Variants in TPRX1 observed in about 807,000 individuals in gnomAD.
The protein encoded by TPRX1 is tetrapeptide repeat homeobox 1.
Under a neutral mutation model 8.1 loss-of-function variants are expected in TPRX1, and 2 were observed. That is an observed-to-expected ratio of 0.25 (90% confidence interval 0.10 to 0.78). The LOEUF (loss-of-function observed/expected upper bound fraction) is 0.78, where lower values mean the gene tolerates loss of function less well. Among genes scored for constraint, TPRX1 ranks in the 30% least tolerant of loss-of-function variants. TPRX1 has a pLI of 0.70. For missense variants in TPRX1, 517 were observed against 586.9 expected (o/e 0.88, Z 1.23); for synonymous variants, 257 against 254.1 (o/e 1.01, Z -0.11).
chr19:47,815,127 T>TATATATATGCAA (rs1555800026), intron 2 of TPRX1, among the ~76,000 whole-genome samples: 3 of 105,042 alleles, frequency 2.9e-5, no homozygotes, highest in African/African-American at 1.1e-4. Flanking sequence ...TATATATATA[T>TATATATATGCAA]ATATATATAT....
intron 2 of TPRX1, among the ~76,000 whole-genome samples, chr19:47,812,537 C>T (rs1398298316): frequency 6.6e-6 from 1 of 151,548 alleles, no homozygotes; most frequent in African/African-American, 2.4e-5. Context: ...GGTTCGAGAC[C>T]GGCCTGGCCA....
intron 2 of TPRX1, among the ~76,000 whole-genome samples, chr19:47,817,528 G>A (rs1343775371): frequency 6.6e-6 from 1 of 152,202 alleles, no homozygotes; most frequent in Non-Finnish European, 1.5e-5. Flanking sequence ...AACTGAGGCT[G>A]AGAGAGGTTT....
exon 4 of TPRX1, chr19:47,802,788 G>T: frequency 6.2e-7 from 1 of 1,604,174 alleles, no homozygotes; most frequent in Non-Finnish European, 8.5e-7. Context: ...CCCCAGGCCT[G>T]GTGGAGGCTG....
intron 2 of TPRX1, among the ~76,000 whole-genome samples, chr19:47,806,380 C>T (rs1365660090): frequency 1.3e-5 from 2 of 151,624 alleles, no homozygotes; most frequent in Admixed American, 1.3e-4. Flanking sequence ...ATTAGCCAAG[C>T]ATGGTGGCGG....
chr19:47,810,021 G>A (rs1029139895), intron 2 of TPRX1, among the ~76,000 whole-genome samples: 6 of 152,052 alleles, frequency 3.9e-5, no homozygotes, highest in Non-Finnish European at 7.4e-5. Flanking sequence ...TTGGGAGGCC[G>A]AGGTGGGCGG....
In TPRX1 at chr19:47,813,164, CCA is replaced by C. The variant is rs1228765685; in HGVS notation, c.151+5302_151+5303del. Among the ~76,000 whole-genome samples, 504 of 136,344 alleles carry C rather than the reference CCA, an allele frequency of 3.7e-3. 18 individuals are homozygous for C. The highest frequency in any genetic ancestry group is 7.1e-3 in the African/African-American group (260 of 36,452). The allele number at this position is 136,344 out of a possible 152,430, so 89.4% of individuals were successfully genotyped here. A position where few individuals can be genotyped will look rare whatever the true frequency, so the allele number is the denominator to read the frequency against. ...ATAATAATAAATAAAACAACCCCCC[CCA>C]CCCCGCCAAAATTAGCCAGGCGGAG... On this transcript the variant is annotated intron_variant, in intron 2 of 3. Transcript: ENST00000535759.
intron 2 of TPRX1, among the ~76,000 whole-genome samples, chr19:47,805,430 G>T (rs895111449): frequency 1.3e-5 from 2 of 152,076 alleles, no homozygotes; most frequent in African/African-American, 2.4e-5. Flanking sequence ...CCATGACCTT[G>T]GTCTACAGAG....
chr19:47,808,876 T>A (rs1967758718), intron 2 of TPRX1, among the ~76,000 whole-genome samples: 1 of 152,208 alleles, frequency 6.6e-6, no homozygotes, highest in Non-Finnish European at 1.5e-5. Context: ...TTGGATTAAT[T>A]CACGCCCACA....
In TPRX1 at chr19:47,802,023, G is replaced by T. The variant is rs763057221; in HGVS notation, c.1279C>A (p.Pro427Thr). 4.6e-5 allele frequency: 74 copies of T among 1,610,562 alleles called. 1 individual carries two copies. In the Middle Eastern group the frequency reaches 5.0e-4, roughly 11 times the overall value. ...GGGCTCTGAGGCCATAAGGGGGCTG[G>T]GGCTGGGAGTGATCCTGGGCCTGGG... is the stretch of plus-strand genomic sequence containing the variant. The change falls in exon 4 of 4, where the codon CCA (proline) becomes ACA (threonine). Residue 427 changes from proline to threonine, a missense_variant. By Grantham distance (38) the Pro-to-Thr change is conservative. Around this residue, in one of 3 missense-constraint regions of TPRX1, gnomAD observed 506 missense variants for 515.5 expected, o/e 0.98. Transcript: ENST00000535759.
chr19:47,802,208 G>C (rs764622330), exon 4 of TPRX1: 16 of 1,612,400 alleles, frequency 9.9e-6, no homozygotes, highest in African/African-American at 9.3e-5. Flanking sequence ...GCTGGGAATC[G>C]GGCCTATAAT....
intron 2 of TPRX1, among the ~76,000 whole-genome samples, chr19:47,808,853 T>C (rs898449214): frequency 4.6e-5 from 7 of 152,192 alleles, no homozygotes; most frequent in Non-Finnish European, 7.4e-5. Context: ...CTTTGAAATA[T>C]CAACTGAGTT....
chr19:47,815,241 G>A (rs1254120408), intron 2 of TPRX1, among the ~76,000 whole-genome samples: 4 of 138,746 alleles, frequency 2.9e-5, no homozygotes, highest in Non-Finnish European at 4.6e-5. Flanking sequence ...TGCAACCTCC[G>A]CCTCCCGGGT....
chr19:47,815,330 G>A lies in TPRX1; in HGVS notation c.151+3138C>T, dbSNP rs796290154. Among the ~76,000 whole-genome samples, 170 of 143,316 alleles carry A rather than the reference G, an allele frequency of 1.2e-3. 1 individual carries two copies. Among genetic ancestry groups the A allele is most frequent in the African/African-American group, 4.1e-3 (161 of 39,340 alleles). The allele number at this position is 143,316 out of a possible 152,430, so 94.0% of individuals were successfully genotyped here. A position where few individuals can be genotyped will look rare whatever the true frequency, so the allele number is the denominator to read the frequency against. ...ACACCATGCCCGGCTAAGTTTTGTA[G>A]TTTTAGTAGAGATGGGTTTTTACCA... On this transcript the variant is annotated intron_variant, in intron 2 of 3. Transcript: ENST00000535759.
intron 2 of TPRX1, among the ~76,000 whole-genome samples, chr19:47,813,212 A>G (rs1301945803): frequency 6.9e-6 from 1 of 145,852 alleles, no homozygotes; most frequent in Non-Finnish European, 1.5e-5. Flanking sequence ...CTGTAGTCCC[A>G]GCTACTTGGG....
intron 1 of TPRX1, among the ~76,000 whole-genome samples, chr19:47,818,792 G>A (rs1295500472): frequency 6.6e-6 from 1 of 152,046 alleles, no homozygotes; most frequent in Admixed American, 6.6e-5. Flanking sequence ...TGTGCACAAC[G>A]TGCAGGTTTG....
chr19:47,813,890 A>G (rs1329732506), intron 2 of TPRX1, among the ~76,000 whole-genome samples: 1 of 142,612 alleles, frequency 7.0e-6, no homozygotes, highest in Non-Finnish European at 1.5e-5. Context: ...CAGGACGGCC[A>G]CCAGGGGGCG....
intron 2 of TPRX1, among the ~76,000 whole-genome samples, chr19:47,818,184 A>ACCATCCAT (rs902009512): frequency 6.7e-6 from 1 of 150,346 alleles, no homozygotes; most frequent in Non-Finnish European, 1.5e-5. Flanking sequence ...GTTCTGCCCC[A>ACCATCCAT]CCATCCATCC....
intron 2 of TPRX1, among the ~76,000 whole-genome samples, chr19:47,804,229 A>AT (rs1967712699): frequency 1.3e-5 from 2 of 150,066 alleles, no homozygotes; most frequent in South Asian, 4.3e-4. Flanking sequence ...TAATTTTTGT[A>AT]TTTTTGCTAA....
intron 2 of TPRX1, among the ~76,000 whole-genome samples, chr19:47,809,326 G>C (rs1967762167): frequency 6.6e-6 from 1 of 151,482 alleles, no homozygotes; most frequent in South Asian, 2.1e-4. Context: ...TATCACCCAG[G>C]CTGCGTTGCA....
Sources: gnomAD v4.1 joint callset for allele counts (sites outside exome capture counted in the v4.1 genomes callset) on GRCh38, gnomAD v4.1.1 for gene constraint, gnomAD v4.1.1 regional missense constraint, MANE v1.5 for transcripts, NCBI Gene and HGNC (gene_info 2026-07-23, HGNC 2026-07-21) for gene names.